PAXBP1: variants seen among roughly 807,000 people sequenced by gnomAD.
PAXBP1 encodes PAX3- and PAX7-binding protein 1.
In PAXBP1, 44 loss-of-function variants were observed where a neutral mutation model predicts 119.9. The ratio of observed to expected loss-of-function variants is 0.37; its 90% confidence interval spans 0.29 to 0.47. The LOEUF is 0.47. PAXBP1 is among the 20% of genes least tolerant of loss of function. PAXBP1 has a pLI of 0.99. For missense variants in PAXBP1, 898 were observed against 1,134.1 expected (o/e 0.79, Z 2.99); for synonymous variants, 393 against 406.6 (o/e 0.97, Z 0.40).
chr21:32,741,505 C>G (rs1369842571), intron 15 of PAXBP1: 6 of 775,850 alleles, frequency 7.7e-6, no homozygotes, highest in Admixed American at 5.1e-5. Context: ...GTATGATCTA[C>G]TGCTCAAGAG....
rs2044207684 is a variant in PAXBP1 at position 32,764,534 on chromosome 21, T to C, written c.473-10A>G. On this transcript the variant is annotated splice_polypyrimidine_tract_variant and intron_variant, in intron 2 of 17. Transcript: ENST00000331923. ...TCCAAAGGTTGTTCACCTAAATTTT[T>C]GAAGAATTAAAATATATGTAAAATA... The C allele has an allele frequency of 5.1e-6, 8 of 1,567,418 alleles. No individual in the cohort carries two copies. Among genetic ancestry groups the C allele is most frequent in the Non-Finnish European group, 6.9e-6 (8 of 1,156,352 alleles).
At chr21:32,740,881 G>A (rs905957483) in intron 15 of PAXBP1, among the ~76,000 whole-genome samples, 1 of 151,510 alleles carries the variant, frequency 6.6e-6, no homozygotes, top group African/African-American at 2.4e-5. Context: ...AGAATTCAAT[G>A]CTTAGTAAGA....
At chr21:32,745,502 TA>T in intron 12 of PAXBP1, 71 bp downstream of exon 12, 1 of 1,570,452 alleles carries the variant, frequency 6.4e-7, no homozygotes, top group Admixed American at 1.7e-5. Context: ...TGCTCTGAAT[TA>T]TAAACTCATA....
chr21:32,743,075 A>G, intron 15 of PAXBP1, 173 bp downstream of exon 15: 2 of 701,314 alleles, frequency 2.9e-6, no homozygotes, highest in Non-Finnish European at 5.3e-6. Context: ...TCCTGTGAAA[A>G]TATCAAACTT....
rs1403659923 is a variant in PAXBP1 at position 32,739,346 on chromosome 21, T to C, written c.2335-1027A>G. Among the ~76,000 whole-genome samples the C allele has an allele frequency of 4.6e-5, 7 of 152,144 alleles. No individual in the cohort carries two copies. In the South Asian group the frequency reaches 1.4e-3, roughly 31 times the overall value. On this transcript the variant is annotated intron_variant, in intron 15 of 17. Coordinates refer to ENST00000331923, the MANE Select transcript of PAXBP1 (RefSeq NM_016631.4). The stretch of plus-strand genomic sequence containing the variant: ...TCTCTAATTACCAATGGAATGACCT[T>C]GTGCAGGTTATTGTGTGCCTCACTA...
intron 15 of PAXBP1, chr21:32,741,591 C>G (rs2043786254): frequency 2.6e-6 from 2 of 765,816 alleles, no homozygotes; most frequent in Non-Finnish European, 4.8e-6. Flanking sequence ...GGGTATGGGG[C>G]AGGACCCTCT....
intron 2 of PAXBP1, among the ~76,000 whole-genome samples, chr21:32,764,938 C>T (rs558097231): frequency 2.6e-5 from 4 of 152,328 alleles, no homozygotes; most frequent in African/African-American, 9.6e-5. Context: ...ACCCTAAGCC[C>T]ATGCGAGGCA....
chr21:32,771,686 C>A lies in PAXBP1; in HGVS notation c.-18G>T. 2.2e-6 allele frequency: 3 copies of A among 1,384,492 alleles called. No individual in the cohort carries two copies. The highest frequency in any genetic ancestry group is 1.9e-6 in the Non-Finnish European group (2 of 1,073,612). The allele number at this position is 1,384,492 out of a possible 1,614,324, so 85.8% of individuals were successfully genotyped here. ...CGGAACATCCCCGCGGCCCGCACGGCGGTCGAATACTCGCTTCCACACCGC... is the reference window on the plus strand; with the variant it reads ...CGGAACATCCCCGCGGCCCGCACGGAGGTCGAATACTCGCTTCCACACCGC... On this transcript the variant is annotated 5_prime_UTR_variant, in exon 1 of 18. Coordinates refer to ENST00000331923, the MANE Select transcript of PAXBP1 (RefSeq NM_016631.4).
intron 6 of PAXBP1, 191 bp from the exon 7 acceptor site, chr21:32,759,460 T>C (rs2044101253): frequency 1.5e-6 from 1 of 686,154 alleles, no homozygotes. Flanking sequence ...TTCACAGTTT[T>C]GTGGGCTAAC....
chr21:32,758,644 TAAAAAAAAAA>T (rs138934420), intron 7 of PAXBP1, among the ~76,000 whole-genome samples: 1 of 104,108 alleles, frequency 9.6e-6, no homozygotes, highest in Non-Finnish European at 2.0e-5. Flanking sequence ...TCATCCAGGG[TAAAAAAAAAA>T]AAAAAAAAAA....
chr21:32,763,451 TC>T (rs2044184182), intron 3 of PAXBP1, among the ~76,000 whole-genome samples: 2 of 152,224 alleles, frequency 1.3e-5, no homozygotes, highest in African/African-American at 4.8e-5. Flanking sequence ...CCAAAGAGCT[TC>T]CCATAAGGAC....
At chr21:32,748,278 AAAC>A (rs1000528448) in intron 11 of PAXBP1, among the ~76,000 whole-genome samples, 15 of 152,198 alleles carry the variant, frequency 9.9e-5, no homozygotes, top group East Asian at 5.8e-4. Context: ...TAAACTGAAA[AAAC>A]AACAACAACA....
intron 8 of PAXBP1, among the ~76,000 whole-genome samples, chr21:32,755,005 T>A (rs1402693113): frequency 6.6e-6 from 1 of 152,126 alleles, no homozygotes; most frequent in Non-Finnish European, 1.5e-5. Context: ...ATAAGAAGAC[T>A]GACAGAATCT....
At chr21:32,767,680 C>T (rs900152622) in intron 2 of PAXBP1, among the ~76,000 whole-genome samples, 6 of 151,994 alleles carry the variant, frequency 3.9e-5, no homozygotes, top group East Asian at 1.9e-4. Flanking sequence ...CTTTTGCTTC[C>T]TCCTCATTTT....
At chr21:32,745,767 C>A (rs1053275949) in intron 11 of PAXBP1, 49 bp from the exon 12 acceptor site, 7 of 1,600,958 alleles carry the variant, frequency 4.4e-6, no homozygotes, top group Non-Finnish European at 5.1e-6. Flanking sequence ...GTGGCTATTT[C>A]TGCTTCCAGC....
chr21:32,752,462 G>T (rs1249399318), intron 8 of PAXBP1, among the ~76,000 whole-genome samples: 5 of 152,146 alleles, frequency 3.3e-5, no homozygotes, highest in Non-Finnish European at 7.3e-5. Context: ...AGAGGGGAGG[G>T]AGGTGAGCAC....
intron 5 of PAXBP1, 116 bp from the exon 6 acceptor site, chr21:32,760,110 G>T: frequency 1.4e-6 from 1 of 731,590 alleles, no homozygotes; most frequent in Non-Finnish European, 2.2e-6. Context: ...CAAATATTAT[G>T]TAATAATTGC....
chr21:32,738,360 A>C, intron 15 of PAXBP1, 41 bp from the exon 16 acceptor site: 1 of 1,505,114 alleles, frequency 6.6e-7, no homozygotes, highest in Non-Finnish European at 9.0e-7. Context: ...AAACAATTAG[A>C]TTAGGTACAA....
chr21:32,748,560 C>G lies in PAXBP1; in HGVS notation c.1862G>C (p.Cys621Ser). ...TSYKDAYIGL[C>S]LPKLFNPLIR... ...GAGGGGGTTGAATAATTTTGGCAAACAAAGGCCAATGTAAGCATCTTTGTA... is the reference window on the plus strand; with the variant it reads ...GAGGGGGTTGAATAATTTTGGCAAAGAAAGGCCAATGTAAGCATCTTTGTA... Residue 621 changes from cysteine to serine, a missense_variant, in exon 11 of 18, where the codon TGT becomes TCT. By Grantham distance (112) the Cys-to-Ser change is moderately radical (BLOSUM62 -1). Transcript: ENST00000331923. 5 of 1,613,914 alleles carry G rather than the reference C, an allele frequency of 3.1e-6. No homozygotes were observed. Among genetic ancestry groups the G allele is most frequent in the Non-Finnish European group, 4.2e-6 (5 of 1,179,924 alleles).
Sources: allele counts gnomAD v4.1 joint callset (sites outside exome capture counted in the v4.1 genomes callset), GRCh38; gene constraint gnomAD v4.1.1; transcripts MANE v1.5; gene names NCBI Gene and HGNC (gene_info 2026-07-23, HGNC 2026-07-21).